The following GALNT18 variants were observed in gnomAD, a reference collection of about 807,000 sequenced individuals.
GALNT18 encodes GalNAc-transferase 18.
In GALNT18, 44 loss-of-function variants were observed where a neutral mutation model predicts 69.5. The ratio of observed to expected loss-of-function variants is 0.63; its 90% CI spans 0.50 to 0.81. The LOEUF (loss-of-function observed/expected upper bound fraction) is 0.81, where lower values mean the gene tolerates loss of function less well. Among genes scored for constraint, GALNT18 ranks in the 40% least tolerant of loss-of-function variants. The pLI is 0.00. For missense variants in GALNT18, 715 were observed against 810.0 expected, an observed-to-expected ratio of 0.88 and a Z score of 1.42; for synonymous variants, 364 against 318.2, an observed-to-expected ratio of 1.14 and a Z score of -1.53.
intron 1 of GALNT18, among the ~76,000 whole-genome samples, chr11:11,452,062 T>C (rs1474214393): frequency 6.6e-6 from 1 of 152,186 alleles, no homozygotes; most frequent in Non-Finnish European, 1.5e-5. Flanking sequence ...CTGAAAACAC[T>C]ATCTGATTCT....
chr11:11,409,893 GATT>G (rs1854688305), intron 3 of GALNT18, among the ~76,000 whole-genome samples: 1 of 152,164 alleles, frequency 6.6e-6, no homozygotes, highest in Admixed American at 6.5e-5. Flanking sequence ...TGTAAACAAA[GATT>G]AATACACAGT....
rs1172187606 is a variant in GALNT18, at chr11:11,339,958, G to T, written c.1278+861C>A. Among the ~76,000 whole-genome samples, 1 of 152,176 alleles carries T rather than the reference G, an allele frequency of 6.6e-6. No individual in the cohort carries two copies. The highest frequency in any genetic ancestry group is 1.5e-5 in the Non-Finnish European group (1 of 68,036). On this transcript the variant is annotated intron_variant, in intron 7 of 10. Transcript: ENST00000227756. This position sits in a 1 kb window ranked among gnomAD's most constrained non-coding sequence, Gnocchi z 5.2. ...AGAAGCTTCCTAAAGGACTCCAAAAGGGATTGCCATGGCCTTGGGAGGAAA... is the reference window on the plus strand; with the variant it reads ...AGAAGCTTCCTAAAGGACTCCAAAATGGATTGCCATGGCCTTGGGAGGAAA...
chr11:11,564,137 A>G lies in GALNT18; in HGVS notation c.235+57222T>C, dbSNP rs1486167621. On this transcript the variant is annotated intron_variant, in intron 1 of 10. Transcript: ENST00000227756. This position sits in a 1 kb window ranked among gnomAD's most constrained non-coding sequence, Gnocchi z 4.3. Reference sequence around the variant, plus strand: ...ATTTTACAGTTGAAGGAACTTGAGCATAGAGAGGTAGAACAACTTTCCCAA... The same window carrying G: ...ATTTTACAGTTGAAGGAACTTGAGCGTAGAGAGGTAGAACAACTTTCCCAA... Among the ~76,000 whole-genome samples the G allele has an allele frequency of 2.0e-5, 3 of 152,186 alleles. No individual in the cohort carries two copies. Among genetic ancestry groups the G allele is most frequent in the Non-Finnish European group, 4.4e-5 (3 of 68,040 alleles).
chr11:11,275,784 T>C (rs1848931185), intron 10 of GALNT18, among the ~76,000 whole-genome samples: 1 of 152,214 alleles, frequency 6.6e-6, no homozygotes, highest in South Asian at 2.1e-4. Context: ...ATTTATTAAA[T>C]AGGGAATCCT....
rs1265362660 is a variant in GALNT18, at chr11:11,463,139, G to C, written c.236-14203C>G. Among the ~76,000 whole-genome samples the C allele has an allele frequency of 6.6e-6, 1 of 152,016 alleles. No homozygotes were observed. Among genetic ancestry groups the C allele is most frequent in the African/African-American group, 2.4e-5 (1 of 41,380 alleles). ...GTACAGTCTCCCACAAGAGAACAGG[G>C]TTCCTGCTTCCCTCAGTTATCACTG... On this transcript the variant is annotated intron_variant, in intron 1 of 10. Transcript: ENST00000227756. The surrounding 1 kb of genome is among the most constrained non-coding windows in gnomAD (Gnocchi z 4.2).
chr11:11,312,674 C>A (rs558057607), intron 9 of GALNT18, among the ~76,000 whole-genome samples: 8 of 152,310 alleles, frequency 5.3e-5, no homozygotes, highest in South Asian at 4.1e-4. Flanking sequence ...ATGGCCTTAA[C>A]CCCATTTTAC....
In GALNT18 at chr11:11,564,596, T is replaced by C. The variant is rs953018268; in HGVS notation, c.235+56763A>G. ...TCAGAGCTCATCAGCACGGTGGCAA[T>C]GCAGGCAGCCCCCAATTCCAGAACA... On this transcript the variant is annotated intron_variant, in intron 1 of 10. Transcript: ENST00000227756. The surrounding 1 kb of genome is among the most constrained non-coding windows in gnomAD (Gnocchi z 4.3). Among the ~76,000 whole-genome samples, 3 of 152,192 alleles carry C rather than the reference T, an allele frequency of 2.0e-5. No homozygotes were observed. The highest frequency in any genetic ancestry group is 6.5e-5 in the Admixed American group (1 of 15,270).
chr11:11,448,699 C>A (rs950537773), intron 2 of GALNT18, 45 bp downstream of exon 2: 49 of 1,539,816 alleles, frequency 3.2e-5, no homozygotes, highest in Non-Finnish European at 4.0e-5. Context: ...GACCCCATCT[C>A]CCCATAGGCA....
intron 3 of GALNT18, among the ~76,000 whole-genome samples, chr11:11,407,273 T>C (rs1179951820): frequency 6.6e-6 from 1 of 152,228 alleles, no homozygotes; most frequent in African/African-American, 2.4e-5. Context: ...CATCCTTCTT[T>C]GCAATCGTGT....
intron 10 of GALNT18, among the ~76,000 whole-genome samples, chr11:11,284,682 A>G (rs1383645319): frequency 2.0e-5 from 3 of 152,042 alleles, no homozygotes; most frequent in Admixed American, 6.5e-5. Flanking sequence ...TTTTTTAATT[A>G]ATTTTCCATG....
Position 11,463,405 on chromosome 11 carries a change from C to A in GALNT18, c.236-14469G>T, listed in dbSNP as rs757025187. On this transcript the variant is annotated intron_variant, in intron 1 of 10. Coordinates refer to ENST00000227756, the MANE Select transcript of GALNT18 (RefSeq NM_198516.3). This position sits in a 1 kb window ranked among gnomAD's most constrained non-coding sequence, Gnocchi z 4.2. ...CAAACTTGTGAGAAGAAATATTATT[C>A]AGTTAACTAGCCCACATCTGATTCT... is the stretch of plus-strand genomic sequence containing the variant. Among the ~76,000 whole-genome samples the A allele has an allele frequency of 6.6e-6, 1 of 152,168 alleles. No homozygotes were observed. The highest frequency in any genetic ancestry group is 1.5e-5 in the Non-Finnish European group (1 of 68,022).
chr11:11,318,756 C>G lies in GALNT18; in HGVS notation c.1512+8330G>C, dbSNP rs1410714936. 1.3e-5 allele frequency among the ~76,000 whole-genome samples: 2 copies of G among 152,108 alleles called. No homozygotes were observed. Among genetic ancestry groups the G allele is most frequent in the African/African-American group, 4.8e-5 (2 of 41,414 alleles). On this transcript the variant is annotated intron_variant, in intron 9 of 10. Coordinates refer to ENST00000227756, the MANE Select transcript of GALNT18 (RefSeq NM_198516.3). This position sits in a 1 kb window ranked among gnomAD's most constrained non-coding sequence, Gnocchi z 5.1. The stretch of plus-strand genomic sequence containing the variant: ...AAAAGAGTAAGAAAAATACCTGAAA[C>G]CTAGAAATAAGGCAAAAACAAAGAG...
At chr11:11,388,476 CCT>C (rs1292412946) in intron 3 of GALNT18, among the ~76,000 whole-genome samples, 3 of 152,136 alleles carry the variant, frequency 2.0e-5, no homozygotes, top group African/African-American at 4.8e-5. Context: ...TCCCTTTCTT[CCT>C]CTCTCTCTCA....
intron 9 of GALNT18, among the ~76,000 whole-genome samples, chr11:11,301,377 G>A (rs1413786579): frequency 1.3e-5 from 2 of 152,158 alleles, no homozygotes; most frequent in Non-Finnish European, 2.9e-5. Flanking sequence ...CTGATTTAAG[G>A]GTTTGGTTAT....
chr11:11,344,953 A>C (rs11827736), intron 6 of GALNT18, among the ~76,000 whole-genome samples: 1 of 151,956 alleles, frequency 6.6e-6, no homozygotes, highest in Admixed American at 6.5e-5. Flanking sequence ...AGGATACTGG[A>C]AGCCCTCAGT....
intron 10 of GALNT18, among the ~76,000 whole-genome samples, chr11:11,284,908 G>GTTTTTGTTTTT (rs1849162094): frequency 1.2e-5 from 1 of 82,822 alleles, no homozygotes; most frequent in East Asian, 3.2e-4. Context: ...AGACTTTCGT[G>GTTTTTGTTTTT]TTTTTTTTTT....
At chr11:11,565,186 C>T (rs916249658) in intron 1 of GALNT18, among the ~76,000 whole-genome samples, 2 of 152,208 alleles carry the variant, frequency 1.3e-5, no homozygotes, top group Non-Finnish European at 2.9e-5. Flanking sequence ...GGACAGTGCC[C>T]TGTTCCCAGA....
chr11:11,294,475 C>A (rs1270539521), intron 9 of GALNT18, among the ~76,000 whole-genome samples: 3 of 152,100 alleles, frequency 2.0e-5, no homozygotes, highest in Non-Finnish European at 4.4e-5. Flanking sequence ...GAGACCCAGG[C>A]TCTTAGATGC....
intron 1 of GALNT18, among the ~76,000 whole-genome samples, chr11:11,509,143 A>G (rs530905072): frequency 6.7e-4 from 102 of 151,892 alleles, no homozygotes; most frequent in African/African-American, 2.3e-3. Context: ...ATCTTTCACA[A>G]GTGTTTGCTA....
Sources: allele counts gnomAD v4.1 joint callset (sites outside exome capture counted in the v4.1 genomes callset), GRCh38; gene constraint gnomAD v4.1.1; non-coding constraint Gnocchi (gnomAD v3.1); transcripts MANE v1.5; gene names NCBI Gene and HGNC (gene_info 2026-07-23, HGNC 2026-07-21).